ANKRD17: variants seen among roughly 807,000 people sequenced by gnomAD.
ANKRD17 encodes the protein ankyrin repeat domain 17.
In ANKRD17, 19 loss-of-function variants were observed where a neutral mutation model predicts 229.7. That is an observed-to-expected ratio of 0.08 (90% CI 0.06 to 0.12). ANKRD17 has a LOEUF of 0.12. ANKRD17 is among the 10% of genes least tolerant of loss of function. ANKRD17 has a pLI of 1.00. For missense variants in ANKRD17, 2,176 were observed against 3,176.8 expected (o/e 0.68, Z 7.57); for synonymous variants, 1,112 against 1,146.1 (o/e 0.97, Z 0.60).
intron 4 of ANKRD17, 51 bp downstream of exon 4, chr4:73,155,968 A>G (rs1163405219): frequency 6.5e-7 from 1 of 1,530,384 alleles, no homozygotes; most frequent in Non-Finnish European, 8.7e-7. Context: ...CTTAGTAAGC[A>G]AGCCAGTTTT....
At chr4:73,186,866 T>C (rs1736365067) in intron 1 of ANKRD17, among the ~76,000 whole-genome samples, 1 of 152,192 alleles carries the variant, frequency 6.6e-6, no homozygotes, top group African/African-American at 2.4e-5. Flanking sequence ...AATTCAATTA[T>C]GAATTTAGCC....
chr4:73,197,146 G>A (rs1032526501), intron 1 of ANKRD17, among the ~76,000 whole-genome samples: 2 of 152,082 alleles, frequency 1.3e-5, no homozygotes, highest in African/African-American at 4.8e-5. Context: ...TCTTGTGGGT[G>A]CACTCCCCAG....
At chr4:73,202,206 C>G (rs1382372601) in intron 1 of ANKRD17, among the ~76,000 whole-genome samples, 1 of 149,108 alleles carries the variant, frequency 6.7e-6, no homozygotes, top group Admixed American at 6.8e-5. Flanking sequence ...AGACAATGAA[C>G]AGGCATAAAA....
chr4:73,143,607 T>C (rs76729648), intron 11 of ANKRD17, among the ~76,000 whole-genome samples: 76 of 152,348 alleles, frequency 5.0e-4, no homozygotes, highest in African/African-American at 1.8e-3. Context: ...TGGGAAAATG[T>C]TGAAAGTAAT....
intron 16 of ANKRD17, among the ~76,000 whole-genome samples, chr4:73,128,353 C>T (rs535733952): frequency 4.6e-5 from 7 of 152,256 alleles, no homozygotes; most frequent in Admixed American, 4.6e-4. Flanking sequence ...GTCCACTCTA[C>T]GTTGGTGCAT....
intron 16 of ANKRD17, 137 bp from the exon 17 acceptor site, chr4:73,125,449 T>A: frequency 1.4e-6 from 1 of 705,406 alleles, no homozygotes; most frequent in Non-Finnish European, 2.3e-6. Context: ...AAAGCAAGGT[T>A]TATGGACGGG....
At chr4:73,098,608 G>A (rs998664677) in intron 25 of ANKRD17, 88 bp from the exon 26 acceptor site, 2 of 1,220,128 alleles carry the variant, frequency 1.6e-6, no homozygotes, top group Non-Finnish European at 1.2e-6. Context: ...GAAAAACCCA[G>A]GAGAGATACT....
chr4:73,189,652 C>T (rs1359920081), intron 1 of ANKRD17, among the ~76,000 whole-genome samples: 2 of 152,130 alleles, frequency 1.3e-5, no homozygotes, highest in Non-Finnish European at 2.9e-5. Context: ...CCAACCCTTT[C>T]GTTCTTCAGG....
intron 1 of ANKRD17, among the ~76,000 whole-genome samples, chr4:73,204,291 G>C (rs1340910569): frequency 2.0e-5 from 3 of 149,514 alleles, no homozygotes; most frequent in Admixed American, 2.0e-4. Context: ...AACCCGAGAG[G>C]CGGAGCTTGC....
At chr4:73,221,368 T>C (rs894462965) in intron 1 of ANKRD17, among the ~76,000 whole-genome samples, 3 of 152,058 alleles carry the variant, frequency 2.0e-5, no homozygotes, top group Admixed American at 6.6e-5. Flanking sequence ...AAAAAACCTA[T>C]GCATAAAGCA....
intron 1 of ANKRD17, among the ~76,000 whole-genome samples, chr4:73,181,159 G>A (rs1169430990): frequency 6.6e-6 from 1 of 152,176 alleles, no homozygotes; most frequent in Non-Finnish European, 1.5e-5. Flanking sequence ...ATAGATCTTA[G>A]AGGAGATACA....
At chr4:73,220,906 G>T (rs1406284984) in intron 1 of ANKRD17, among the ~76,000 whole-genome samples, 1 of 152,064 alleles carries the variant, frequency 6.6e-6, no homozygotes, top group Non-Finnish European at 1.5e-5. Context: ...TATCCCTGTG[G>T]GGGGTAGAGG....
At chr4:73,094,355 T>C in intron 27 of ANKRD17, 127 bp from the exon 28 acceptor site, 1 of 816,388 alleles carries the variant, frequency 1.2e-6, no homozygotes, top group Non-Finnish European at 1.9e-6. Context: ...ATAAGCCTCT[T>C]CTATTTACTC....
intron 2 of ANKRD17, among the ~76,000 whole-genome samples, chr4:73,162,359 A>AT (rs1474477508): frequency 6.6e-6 from 1 of 152,044 alleles, no homozygotes; most frequent in African/African-American, 2.4e-5. Context: ...CACCCAGCTA[A>AT]TTTTTAAACT....
chr4:73,131,810 A>G, intron 16 of ANKRD17, among the ~76,000 whole-genome samples: 1 of 152,182 alleles, frequency 6.6e-6, no homozygotes, highest in South Asian at 2.1e-4. Flanking sequence ...TAAGTTAAAG[A>G]AGTTAATATC....
At chr4:73,231,387 G>A (rs1043970202) in intron 1 of ANKRD17, among the ~76,000 whole-genome samples, 1 of 152,060 alleles carries the variant, frequency 6.6e-6, no homozygotes, top group African/African-American at 2.4e-5. Context: ...TTCCTTAATG[G>A]TCTGGGGTCC....
chr4:73,211,008 C>T (rs1740172606), intron 1 of ANKRD17, among the ~76,000 whole-genome samples: 1 of 151,798 alleles, frequency 6.6e-6, no homozygotes, highest in South Asian at 2.1e-4. Flanking sequence ...AGAGTATATA[C>T]TCTAAACTAC....
At chr4:73,175,560 A>C (rs997921415) in intron 2 of ANKRD17, among the ~76,000 whole-genome samples, 3 of 152,228 alleles carry the variant, frequency 2.0e-5, no homozygotes, top group African/African-American at 7.2e-5. Flanking sequence ...AAATTATACT[A>C]CAGAGTTATA....
At chr4:73,241,477 TTAAC>T (rs780338483) in intron 1 of ANKRD17, among the ~76,000 whole-genome samples, 60 of 152,284 alleles carry the variant, frequency 3.9e-4, no homozygotes, top group South Asian at 4.1e-4. Context: ...GAATAGTATA[TTAAC>T]TAACTAGTAA....
Sources: allele counts gnomAD v4.1 joint callset (sites outside exome capture counted in the v4.1 genomes callset), GRCh38; gene constraint gnomAD v4.1.1; transcripts MANE v1.5; gene names NCBI Gene and HGNC (gene_info 2026-07-23, HGNC 2026-07-21).